PLCG2: variants seen among roughly 807,000 people sequenced by gnomAD.
PLCG2 encodes phospholipase C gamma 2, also known as 1-phosphatidylinositol 4,5-bisphosphate phosphodiesterase gamma-2.
PLCG2 carries 69 observed loss-of-function variants against 175.6 expected under a neutral mutation model. That is an observed-to-expected ratio of 0.39 (90% confidence interval 0.32 to 0.48). The LOEUF is 0.48. Among genes scored for constraint, PLCG2 ranks in the 20% least tolerant of loss-of-function variants. The pLI, the probability that PLCG2 is intolerant of heterozygous loss-of-function variation, is 0.91. For synonymous variants in PLCG2, 827 were observed against 624.0 expected, an observed-to-expected ratio of 1.33 and a Z score of -4.85; for missense variants, 1,798 against 1,650.9, an observed-to-expected ratio of 1.09 and a Z score of -1.54.
chr16:81,846,026 C>T (rs1045925258), intron 2 of PLCG2, among the ~76,000 whole-genome samples: 5 of 152,184 alleles, frequency 3.3e-5, no homozygotes, highest in South Asian at 2.1e-4. Flanking sequence ...TTGTGAGGAA[C>T]GATGAGTTAA....
intron 31 of PLCG2, among the ~76,000 whole-genome samples, chr16:81,950,287 A>G (rs1035338958): frequency 1.3e-5 from 2 of 152,228 alleles, no homozygotes; most frequent in Non-Finnish European, 2.9e-5. Flanking sequence ...AGGAAAAGTT[A>G]ACATCAATCT....
chr16:81,808,720 C>T (rs1204076371), intron 2 of PLCG2, among the ~76,000 whole-genome samples: 1 of 152,128 alleles, frequency 6.6e-6, no homozygotes, highest in Non-Finnish European at 1.5e-5. Context: ...GTCTCGATCT[C>T]CTGACCTTGT....
At chr16:81,739,412 G>C (rs962423476) in intron 1 of PLCG2, 1 of 152,220 alleles carries the variant, frequency 6.6e-6, no homozygotes, top group South Asian at 2.1e-4. Context: ...TCAGGCCACG[G>C]CATTTTCCGC....
At chr16:81,847,915 C>T (rs760334757) in intron 2 of PLCG2, among the ~76,000 whole-genome samples, 1 of 152,196 alleles carries the variant, frequency 6.6e-6, no homozygotes, top group African/African-American at 2.4e-5. Context: ...CGATCCCCAA[C>T]AGTCACTGAG....
chr16:81,803,896 A>C (rs753329076), intron 2 of PLCG2, among the ~76,000 whole-genome samples: 8 of 152,156 alleles, frequency 5.3e-5, no homozygotes, highest in African/African-American at 1.9e-4. Flanking sequence ...TGGCCAAGCT[A>C]GTCTTGAACT....
At chr16:81,784,645 A>G (rs1910889930) in intron 1 of PLCG2, among the ~76,000 whole-genome samples, 2 of 152,226 alleles carry the variant, frequency 1.3e-5, no homozygotes, top group South Asian at 4.1e-4. Context: ...AATTTTAACA[A>G]TAGCTTAATC....
chr16:81,863,274 A>G (rs1240315233), intron 5 of PLCG2, among the ~76,000 whole-genome samples: 1 of 152,222 alleles, frequency 6.6e-6, no homozygotes, highest in African/African-American at 2.4e-5. Context: ...TGCTCCAGGT[A>G]CCTCATATAA....
intron 17 of PLCG2, among the ~76,000 whole-genome samples, chr16:81,909,967 C>G (rs1350850026): frequency 8.1e-6 from 1 of 123,074 alleles, no homozygotes; most frequent in East Asian, 2.6e-4. Flanking sequence ...TCCAGGCATC[C>G]TGGCTCTAGA....
chr16:81,804,192 C>T (rs1466712558), intron 2 of PLCG2, among the ~76,000 whole-genome samples: 2 of 152,222 alleles, frequency 1.3e-5, no homozygotes, highest in African/African-American at 4.8e-5. Context: ...CTCCAACTTC[C>T]CCATGTCCTC....
At position 81,921,391 on chromosome 16, in the gene PLCG2, A is replaced by AT. The variant is rs748353318; in HGVS notation, c.2307+137dup. The AT allele has an allele frequency of 0.15, 84,681 of 561,406 alleles. 30 individuals are homozygous for AT. Among genetic ancestry groups the AT allele is most frequent in the South Asian group, 0.19 (9,346 of 49,286 alleles). 34.8% of individuals were successfully genotyped at this position (561,406 alleles called of 1,614,324 possible). A position where few individuals can be genotyped will look rare whatever the true frequency, so the allele number is the denominator to read the frequency against. On this transcript the variant is annotated intron_variant, in intron 21 of 32. Transcript: ENST00000564138. ...GACTTTGGAAAACCTGGCCAAAATA[A>AT]TTTTTTTTTTTTTTTGAGAAGAAAG...
intron 2 of PLCG2, among the ~76,000 whole-genome samples, chr16:81,813,846 A>C (rs1261207515): frequency 6.6e-6 from 1 of 152,240 alleles, no homozygotes; most frequent in African/African-American, 2.4e-5. Flanking sequence ...GATGGCTTCC[A>C]AGGGACAGAA....
chr16:81,862,347 G>T (rs1034304445), intron 5 of PLCG2, among the ~76,000 whole-genome samples: 2 of 152,220 alleles, frequency 1.3e-5, no homozygotes, highest in African/African-American at 4.8e-5. Context: ...TTTGTTTACA[G>T]CCTTCTTTGC....
chr16:81,773,114 G>A (rs1401856412), intron 2 of PLCG2, among the ~76,000 whole-genome samples: 1 of 152,202 alleles, frequency 6.6e-6, no homozygotes, highest in Non-Finnish European at 1.5e-5. Flanking sequence ...AGGCAGAGCA[G>A]GCTTTGTGAC....
In PLCG2 at chr16:81,819,631, C is replaced by T. The variant is rs114173548; in HGVS notation, c.193+33449C>T. Among the ~76,000 whole-genome samples the T allele has an allele frequency of 2.0e-5, 3 of 152,344 alleles. No homozygotes were observed. In the East Asian group the frequency reaches 5.8e-4, roughly 29 times the overall value. ...ACCAAGCTTCGCTCTTTCGCCCAGG[C>T]TGTAGTGCGGTGGCGCTATCTCGGC... is the stretch of plus-strand genomic sequence containing the variant. On this transcript the variant is annotated intron_variant, in intron 2 of 32. Transcript: ENST00000564138.
At position 81,960,623 on chromosome 16, in the gene PLCG2, C is replaced by G. The variant is rs1911746521; in HGVS notation, c.*2625C>G. On this transcript the variant is annotated 3_prime_UTR_variant, in exon 33 of 33. Transcript: ENST00000564138. Reference sequence around the variant, plus strand: ...GGGTCTTGTTTTCCAAATTCGATCTCAGAATCTTTTTGCCAGAAGTGTCTC... The same window carrying G: ...GGGTCTTGTTTTCCAAATTCGATCTGAGAATCTTTTTGCCAGAAGTGTCTC... 4 of 231,316 alleles carry G rather than the reference C, an allele frequency of 1.7e-5. No individual in the cohort carries two copies. 14.3% of individuals were successfully genotyped at this position (231,316 alleles called of 1,614,324 possible).
intron 24 of PLCG2, chr16:81,928,844 C>T (rs1186718241): frequency 6.1e-5 from 29 of 479,264 alleles, no homozygotes; most frequent in Middle Eastern, 1.0e-3. Context: ...AACAAGGTCT[C>T]GTACATAAGT....
At position 81,870,931 on chromosome 16, in the gene PLCG2, A is replaced by G; in HGVS notation, c.644A>G (p.Lys215Arg). 1 of 1,542,070 alleles carries G rather than the reference A, an allele frequency of 6.5e-7. No homozygotes were observed. Among genetic ancestry groups the G allele is most frequent in the South Asian group, 1.1e-5 (1 of 87,318 alleles). ...AAAAAACTTATGTTTGAACAGCAAA[A>G]ATCGGTAAGATGATTCTTGAGCAAG... ...FYKKLMFEQQ[K>R]SILDEFKKDS... Residue 215 changes from lysine (K) to arginine (R), a missense_variant, in exon 7 of 33, where the codon AAA becomes AGA. Lys to Arg is a conservative substitution (Grantham distance 26, BLOSUM62 2). Coordinates refer to ENST00000564138, the MANE Select transcript of PLCG2 (RefSeq NM_002661.5).
At chr16:81,743,456 A>G (rs924373945) in intron 1 of PLCG2, among the ~76,000 whole-genome samples, 3 of 152,250 alleles carry the variant, frequency 2.0e-5, no homozygotes, top group African/African-American at 7.2e-5. Flanking sequence ...GCCCAGGTAG[A>G]GCGACCTGCG....
At chr16:81,849,372 G>A (rs1215019064) in intron 2 of PLCG2, among the ~76,000 whole-genome samples, 1 of 152,154 alleles carries the variant, frequency 6.6e-6, no homozygotes, top group Non-Finnish European at 1.5e-5. Context: ...TCTGGCTATT[G>A]CTGGAAGACA....
Sources: allele counts gnomAD v4.1 joint callset (sites outside exome capture counted in the v4.1 genomes callset), GRCh38; gene constraint gnomAD v4.1.1; transcripts MANE v1.5; gene names NCBI Gene and HGNC (gene_info 2026-07-23, HGNC 2026-07-21).